TCERG1L: variants seen among roughly 807,000 people sequenced by gnomAD.
TCERG1L encodes transcription elongation regulator 1 like, also known as transcription elongation regulator 1-like protein.
Under a neutral mutation model 56.3 loss-of-function variants are expected in TCERG1L, and 37 were observed. That is an observed-to-expected ratio of 0.66 (90% CI 0.51 to 0.87). TCERG1L has a LOEUF of 0.87. TCERG1L is among the 40% of genes least tolerant of loss of function. The pLI is 0.00. For missense variants in TCERG1L, 799 were observed against 774.2 expected (o/e 1.03, Z -0.38); for synonymous variants, 324 against 326.3 (o/e 0.99, Z 0.08).
At chr10:131,224,658 G>A (rs962022790) in intron 4 of TCERG1L, among the ~76,000 whole-genome samples, 3 of 152,134 alleles carry the variant, frequency 2.0e-5, no homozygotes, top group East Asian at 1.9e-4. Context: ...CCGAAGTCAC[G>A]TCCTCCCTCA....
rs566695915 is a variant in TCERG1L, at chr10:131,134,410, C to A, written c.1228G>T (p.Glu410Ter). Residue 410 changes from glutamate (E) to a stop codon, truncating the protein, a stop_gained, in exon 8 of 12, where the codon GAA (glutamate) becomes TAA (stop). Transcript: ENST00000368642. LOFTEE classifies it high-confidence loss of function. The part of the protein sequence containing the change: ...SDGSSSEDNR[E>*]DQDVKTKRNR... ...CTCTTGGTTTTCACATCTTGGTCTTCCCTGTTGTCTTCAGAACTGGACCCA... is the reference window on the plus strand; with the variant it reads ...CTCTTGGTTTTCACATCTTGGTCTTACCTGTTGTCTTCAGAACTGGACCCA... 2 of 1,595,532 alleles carry A rather than the reference C, an allele frequency of 1.3e-6. No individual in the cohort carries two copies. Among genetic ancestry groups the A allele is most frequent in the African/African-American group, 2.7e-5 (2 of 74,604 alleles).
intron 3 of TCERG1L, among the ~76,000 whole-genome samples, chr10:131,265,532 C>T (rs1564829193): frequency 6.6e-6 from 1 of 152,182 alleles, no homozygotes; most frequent in East Asian, 1.9e-4. Context: ...TGATAACCAT[C>T]GGAATTGAGT....
intron 6 of TCERG1L, chr10:131,161,406 G>A (rs1008373976): frequency 1.3e-5 from 2 of 152,234 alleles, no homozygotes; most frequent in African/African-American, 4.8e-5. Flanking sequence ...TACCCCTGTC[G>A]TTAAGCAGCA....
chr10:131,129,214 AAAAAG>A (rs1845593541), intron 8 of TCERG1L, among the ~76,000 whole-genome samples: 1 of 152,168 alleles, frequency 6.6e-6, no homozygotes, highest in African/African-American at 2.4e-5. Flanking sequence ...AGAGGAAAAA[AAAAAG>A]AAAACAGTCA....
In TCERG1L at chr10:131,311,552, C is replaced by A; in HGVS notation, c.84G>T (p.Pro28=). ...GCGGCGGCGGCGGCTCTGCGTCCAT[C>A]GGCCAGAGGAGAGGCTGCCGCCGCC... The part of the protein sequence containing the change: ...QPRRRQPLLW[P]MDAEPPPPPP... Residue 28 remains proline (P), a synonymous_variant, in exon 1 of 12, where the codon CCG becomes CCT. Transcript: ENST00000368642. The surrounding 1 kb of genome is among the most constrained non-coding windows in gnomAD (Gnocchi z 4.0). 1.7e-6 allele frequency: 2 copies of A among 1,161,586 alleles called. No individual in the cohort carries two copies. Among genetic ancestry groups the A allele is most frequent in the Non-Finnish European group, 2.1e-6 (2 of 943,682 alleles). 72.0% of individuals were successfully genotyped at this position (1,161,586 alleles called of 1,614,324 possible).
intron 3 of TCERG1L, 65 bp downstream of exon 3, chr10:131,308,146 C>A (rs1246824309): frequency 2.1e-6 from 3 of 1,431,834 alleles, no homozygotes; most frequent in Non-Finnish European, 2.8e-6. Flanking sequence ...GTTTTCATAT[C>A]TAAAACTAAT....
chr10:131,280,529 G>A (rs969337955), intron 3 of TCERG1L, among the ~76,000 whole-genome samples: 6 of 152,004 alleles, frequency 3.9e-5, no homozygotes, highest in African/African-American at 1.5e-4. Flanking sequence ...ATACAGAGAT[G>A]CACTTATCTC....
At chr10:131,232,131 G>T (rs911726366) in intron 4 of TCERG1L, among the ~76,000 whole-genome samples, 3 of 152,252 alleles carry the variant, frequency 2.0e-5, no homozygotes, top group Non-Finnish European at 2.9e-5. Flanking sequence ...GTTAGCCAAG[G>T]CGATTCACTG....
At chr10:131,262,347 T>A (rs1846244197) in intron 3 of TCERG1L, among the ~76,000 whole-genome samples, 1 of 152,086 alleles carries the variant, frequency 6.6e-6, no homozygotes, top group Admixed American at 6.6e-5. Flanking sequence ...TGGAGGCATA[T>A]AGGAGGTACT....
At chr10:131,268,281 A>AT (rs1846306359) in intron 3 of TCERG1L, among the ~76,000 whole-genome samples, 1 of 151,948 alleles carries the variant, frequency 6.6e-6, no homozygotes, top group Non-Finnish European at 1.5e-5. Context: ...TTTTATTTTT[A>AT]TTTTTTCTGA....
intron 3 of TCERG1L, among the ~76,000 whole-genome samples, chr10:131,285,656 T>G (rs1163430393): frequency 6.6e-6 from 1 of 152,072 alleles, no homozygotes; most frequent in Non-Finnish European, 1.5e-5. Flanking sequence ...TAGAGATAAG[T>G]GCAGCATTGT....
chr10:131,259,777 G>C (rs568102496), intron 4 of TCERG1L, among the ~76,000 whole-genome samples: 21 of 152,348 alleles, frequency 1.4e-4, no homozygotes, highest in African/African-American at 5.0e-4. Context: ...ACAGTGGGTG[G>C]GACCCCAGCC....
At chr10:131,172,383 A>C (rs1846102657) in intron 4 of TCERG1L, among the ~76,000 whole-genome samples, 1 of 152,254 alleles carries the variant, frequency 6.6e-6, no homozygotes, top group South Asian at 2.1e-4. Flanking sequence ...CTGAAAGCCG[A>C]GAGCAACCGC....
intron 4 of TCERG1L, among the ~76,000 whole-genome samples, chr10:131,185,813 TCAAA>T (rs1170925802): frequency 1.3e-5 from 2 of 151,832 alleles, no homozygotes; most frequent in African/African-American, 4.8e-5. Context: ...AGTCAAAAAG[TCAAA>T]CATAGACTTA....
intron 4 of TCERG1L, among the ~76,000 whole-genome samples, chr10:131,181,906 C>T (rs1247564511): frequency 6.6e-6 from 1 of 152,284 alleles, no homozygotes; most frequent in Non-Finnish European, 1.5e-5. Flanking sequence ...ATTCATCCCT[C>T]CCAAGGCAGC....
intron 11 of TCERG1L, among the ~76,000 whole-genome samples, chr10:131,097,572 C>A (rs1446589525): frequency 1.3e-5 from 2 of 152,206 alleles, no homozygotes; most frequent in African/African-American, 4.8e-5. Flanking sequence ...TGGTCTCGAT[C>A]TCCTGACCTC....
chr10:131,202,403 G>A (rs1564813806), intron 4 of TCERG1L, among the ~76,000 whole-genome samples: 1 of 152,168 alleles, frequency 6.6e-6, no homozygotes, highest in African/African-American at 2.4e-5. Flanking sequence ...GCAACATGGT[G>A]AAACCCCATT....
chr10:131,122,372 C>A (rs1481397212), intron 8 of TCERG1L, among the ~76,000 whole-genome samples: 2 of 152,212 alleles, frequency 1.3e-5, no homozygotes, highest in Non-Finnish European at 2.9e-5. Context: ...TGTCCAGGCC[C>A]ACCCACCACC....
intron 4 of TCERG1L, among the ~76,000 whole-genome samples, chr10:131,256,992 G>GGAAGGAAGGAAAGGAAGAAAGAAA (rs1846173015): frequency 5.1e-5 from 3 of 59,170 alleles, no homozygotes; most frequent in African/African-American, 1.7e-4. Context: ...AAGGAAGGAA[G>GGAAGGAAGGAAAGGAAGAAAGAAA]GAAAGAAAGA....
Sources: allele counts gnomAD v4.1 joint callset (sites outside exome capture counted in the v4.1 genomes callset), GRCh38; gene constraint gnomAD v4.1.1; non-coding constraint Gnocchi (gnomAD v3.1); transcripts MANE v1.5; gene names NCBI Gene and HGNC (gene_info 2026-07-23, HGNC 2026-07-21).